The following MLLT10 variants were observed in gnomAD, a reference collection of about 807,000 sequenced individuals.
The protein encoded by MLLT10 is MLLT10 histone lysine methyltransferase DOT1L cofactor, also known as protein AF-10.
MLLT10 carries 30 observed loss-of-function variants against 129.1 expected under a neutral mutation model. The observed-to-expected ratio is 0.23, with a 90% CI of 0.17 to 0.32. MLLT10 has a LOEUF of 0.32. Among genes scored for constraint, MLLT10 ranks in the 10% least tolerant of loss-of-function variants. The pLI is 1.00. For missense variants in MLLT10, 1,119 were observed against 1,268.3 expected, an observed-to-expected ratio of 0.88 and a Z score of 1.79; for synonymous variants, 490 against 446.4, an observed-to-expected ratio of 1.10 and a Z score of -1.23.
intron 13 of MLLT10, among the ~76,000 whole-genome samples, chr10:21,689,664 T>A (rs1385589307): frequency 2.7e-5 from 4 of 145,606 alleles, no homozygotes; most frequent in South Asian, 4.3e-4. Context: ...TATATATATT[T>A]TTTTTTTCTT....
In MLLT10 at chr10:21,595,371, A is replaced by G. The variant is rs1191187041; in HGVS notation, c.336A>G (p.Val112=). 1.9e-6 allele frequency: 3 copies of G among 1,613,736 alleles called. No individual in the cohort carries two copies. Among genetic ancestry groups the G allele is most frequent in the African/African-American group, 2.7e-5 (2 of 74,922 alleles). Reference sequence around the variant, plus strand: ...TTTGTGCCCTGTATATTCCAGAGGTACAATTTGCCAATGTTTCCACAATGG... The same window carrying G: ...TTTGTGCCCTGTATATTCCAGAGGTGCAATTTGCCAATGTTTCCACAATGG... ...HVVCALYIPE[V]QFANVSTMEP... is the part of the protein sequence containing the mutation. The change falls in exon 5 of 23, where the codon GTA becomes GTG. Residue 112 remains valine (V), a synonymous_variant. Coordinates refer to ENST00000307729, the MANE Select transcript of MLLT10 (RefSeq NM_001195626.3).
chr10:21,675,957 C>A (rs1362126647), intron 11 of MLLT10, among the ~76,000 whole-genome samples: 1 of 152,074 alleles, frequency 6.6e-6, no homozygotes, highest in Non-Finnish European at 1.5e-5. Context: ...AGGATGGTTG[C>A]TTTCAGAGGG....
intron 9 of MLLT10, among the ~76,000 whole-genome samples, chr10:21,669,717 C>T (rs751016078): frequency 9.9e-5 from 15 of 152,102 alleles, no homozygotes; most frequent in Admixed American, 4.6e-4. Context: ...TCATTTTATT[C>T]ACCATTATTT....
chr10:21,685,597 C>T (rs2053222049), intron 13 of MLLT10, among the ~76,000 whole-genome samples: 1 of 152,194 alleles, frequency 6.6e-6, no homozygotes, highest in Non-Finnish European at 1.5e-5. Context: ...CCACCTCGGC[C>T]TCCTAAAGTG....
At chr10:21,693,344 G>T (rs113339886) in intron 13 of MLLT10, among the ~76,000 whole-genome samples, 1 of 151,292 alleles carries the variant, frequency 6.6e-6, no homozygotes, top group African/African-American at 2.4e-5. Context: ...TGCTTTCCCT[G>T]TACTCAAGAT....
intron 7 of MLLT10, among the ~76,000 whole-genome samples, chr10:21,616,093 C>T (rs905187622): frequency 6.6e-6 from 1 of 151,908 alleles, no homozygotes; most frequent in Non-Finnish European, 1.5e-5. Flanking sequence ...TTCTTGTATA[C>T]GAATTACTTA....
chr10:21,640,288 ATATAT>A (rs1234762790), intron 8 of MLLT10, among the ~76,000 whole-genome samples: 2 of 143,690 alleles, frequency 1.4e-5, no homozygotes, highest in Non-Finnish European at 3.0e-5. Flanking sequence ...TATATATAAT[ATATAT>A]TATATAATAT....
intron 9 of MLLT10, among the ~76,000 whole-genome samples, chr10:21,653,075 T>G (rs946461172): frequency 6.6e-6 from 1 of 152,194 alleles, no homozygotes; most frequent in African/African-American, 2.4e-5. Flanking sequence ...GATGTGGTTT[T>G]AGTTTTCTAT....
chr10:21,728,555 T>C lies in MLLT10; in HGVS notation c.2063+627T>C, dbSNP rs1178819134. Among the ~76,000 whole-genome samples, 4 of 152,314 alleles carry C rather than the reference T, an allele frequency of 2.6e-5. No individual in the cohort carries two copies. The East Asian group carries it at 7.7e-4, about 29-fold the overall frequency. ...CTGCTTGTAGGGGAGAATGGAACTT[T>C]GGTGATAGCTATCTCCTTATTAATT... On this transcript the variant is annotated intron_variant, in intron 16 of 22. Transcript: ENST00000307729.
At chr10:21,543,765 C>T (rs1160567232) in intron 3 of MLLT10, among the ~76,000 whole-genome samples, 2 of 152,154 alleles carry the variant, frequency 1.3e-5, no homozygotes, top group African/African-American at 2.4e-5. Flanking sequence ...CATTGTGAGC[C>T]ACTATGCCCG....
chr10:21,533,977 C>T (rs1272354244), upstream of MLLT10, among the ~76,000 whole-genome samples: 1 of 152,064 alleles, frequency 6.6e-6, no homozygotes, highest in African/African-American at 2.4e-5. Flanking sequence ...ACGCGGCCCG[C>T]GCCACCAGCG....
chr10:21,708,745 T>A (rs1294275846), intron 13 of MLLT10: 1 of 985,182 alleles, frequency 1.0e-6, no homozygotes, highest in Non-Finnish European at 1.2e-6. Flanking sequence ...TCAATATTAT[T>A]CTTCCAAGAT....
At chr10:21,565,575 G>A (rs2039444215) in intron 3 of MLLT10, among the ~76,000 whole-genome samples, 1 of 151,266 alleles carries the variant, frequency 6.6e-6, no homozygotes. Flanking sequence ...CCAAAGTGCT[G>A]GGATTACAGG....
intron 3 of MLLT10, among the ~76,000 whole-genome samples, chr10:21,568,213 G>T (rs1465482216): frequency 6.6e-6 from 1 of 152,190 alleles, no homozygotes; most frequent in Non-Finnish European, 1.5e-5. Flanking sequence ...GCAAAAAGAA[G>T]AGAATACCCA....
chr10:21,740,903 G>A (rs982495290), intron 22 of MLLT10, among the ~76,000 whole-genome samples: 2 of 152,188 alleles, frequency 1.3e-5, no homozygotes, highest in African/African-American at 4.8e-5. Flanking sequence ...CTAAATTCCA[G>A]TTCAGGGCAG....
chr10:21,723,073 C>T (rs2057244415), intron 14 of MLLT10, among the ~76,000 whole-genome samples: 1 of 152,094 alleles, frequency 6.6e-6, no homozygotes, highest in Non-Finnish European at 1.5e-5. Context: ...TGGTCATTTC[C>T]AATAATACTT....
chr10:21,537,378 G>A (rs764936199), intron 2 of MLLT10, among the ~76,000 whole-genome samples: 3 of 151,878 alleles, frequency 2.0e-5, no homozygotes, highest in Non-Finnish European at 4.4e-5. Flanking sequence ...GCTCACTGCA[G>A]CCTCTACCTC....
At position 21,679,768 on chromosome 10, in the gene MLLT10, A is replaced by G. The variant is rs1382274224; in HGVS notation, c.1622-1564A>G. Reference sequence around the variant, plus strand: ...TTTTGGGAGATTTTGGAATACTTGCATTATATATACTTACCAGGTGAGCAT... The same window carrying G: ...TTTTGGGAGATTTTGGAATACTTGCGTTATATATACTTACCAGGTGAGCAT... On this transcript the variant is annotated intron_variant, in intron 11 of 22. Transcript: ENST00000307729. Among the ~76,000 whole-genome samples, 9 of 152,330 alleles carry G rather than the reference A, an allele frequency of 5.9e-5. No homozygotes were observed. The East Asian group carries it at 1.5e-3, about 26-fold the overall frequency.
chr10:21,570,582 G>GT lies in MLLT10; in HGVS notation c.241-15702dup, dbSNP rs536303981. On this transcript the variant is annotated intron_variant, in intron 3 of 22. Transcript: ENST00000307729. The stretch of plus-strand genomic sequence containing the variant: ...TTATCACGTATTACATTTTTTAGTG[G>GT]TTTTTTTTTTCTGTGTTTCATTTAG... Among the ~76,000 whole-genome samples, 147 of 145,490 alleles carry GT rather than the reference G, an allele frequency of 1.0e-3. No homozygotes were observed. The South Asian group carries it at 0.018, about 18-fold the overall frequency.
Sources: allele counts gnomAD v4.1 joint callset (sites outside exome capture counted in the v4.1 genomes callset), GRCh38; gene constraint gnomAD v4.1.1; transcripts MANE v1.5; gene names NCBI Gene and HGNC (gene_info 2026-07-23, HGNC 2026-07-21).